STK10: variants seen among roughly 807,000 people sequenced by gnomAD.
The protein encoded by STK10 is serine/threonine-protein kinase 10.
A neutral mutation model predicts 113.8 loss-of-function variants in STK10; 78 were observed. The ratio of observed to expected loss-of-function variants is 0.69; its 90% confidence interval spans 0.57 to 0.83. The LOEUF is 0.83. Among genes scored for constraint, STK10 ranks in the 40% least tolerant of loss-of-function variants. The pLI is 0.00. For missense variants in STK10, 1,109 were observed against 1,280.1 expected (o/e 0.87, Z 2.04); for synonymous variants, 465 against 494.7 (o/e 0.94, Z 0.80).
At chr5:172,121,238 C>T (rs1311800096) in intron 3 of STK10, among the ~76,000 whole-genome samples, 1 of 151,812 alleles carries the variant, frequency 6.6e-6, no homozygotes, top group African/African-American at 2.4e-5. Flanking sequence ...ACCATGTTGG[C>T]CAAGCTGATC....
intron 2 of STK10, among the ~76,000 whole-genome samples, chr5:172,150,409 A>T (rs1375247873): frequency 6.6e-6 from 1 of 150,998 alleles, no homozygotes; most frequent in Non-Finnish European, 1.5e-5. Flanking sequence ...TGAACCTGGG[A>T]GGCAGAGGTT....
chr5:172,170,510 A>C (rs1770649242), intron 1 of STK10, among the ~76,000 whole-genome samples: 1 of 152,212 alleles, frequency 6.6e-6, no homozygotes, highest in Non-Finnish European at 1.5e-5. Context: ...GAAGCCCAAA[A>C]GCAGAATGAC....
chr5:172,089,019 T>G (rs1768630234), intron 10 of STK10, among the ~76,000 whole-genome samples: 1 of 152,132 alleles, frequency 6.6e-6, no homozygotes, highest in Non-Finnish European at 1.5e-5. Context: ...TGTTTTTCCC[T>G]CTTCCCGGCC....
intron 1 of STK10, among the ~76,000 whole-genome samples, chr5:172,173,537 C>T (rs961087530): frequency 6.6e-6 from 1 of 152,180 alleles, no homozygotes; most frequent in African/African-American, 2.4e-5. Flanking sequence ...TACAACTCAC[C>T]CTGGGGCAGG....
chr5:172,090,279 C>T lies in STK10; in HGVS notation c.1638G>A (p.Lys546=). The change falls in exon 10 of 19, where the codon AAG becomes AAA. Residue 546 remains lysine (K), a synonymous_variant. Transcript: ENST00000176763. ...DGVEVSITTS[K]IISEDEKKDE... ...CCTTCTTCTCATCTTCGCTGATGATCTTGGAGGTGGTGATGCTCACCTCCA... is the reference window on the plus strand; with the variant it reads ...CCTTCTTCTCATCTTCGCTGATGATTTTGGAGGTGGTGATGCTCACCTCCA... 1 of 1,614,140 alleles carries T rather than the reference C, an allele frequency of 6.2e-7. No individual in the cohort carries two copies. Among genetic ancestry groups the T allele is most frequent in the East Asian group, 2.2e-5 (1 of 44,880 alleles).
intron 1 of STK10, among the ~76,000 whole-genome samples, chr5:172,167,943 G>C (rs1770600421): frequency 6.6e-6 from 1 of 152,206 alleles, no homozygotes; most frequent in Non-Finnish European, 1.5e-5. Flanking sequence ...AAGCAAAAGG[G>C]GACATGTGCA....
chr5:172,060,101 C>T (rs1767901548), intron 14 of STK10, among the ~76,000 whole-genome samples: 2 of 152,158 alleles, frequency 1.3e-5, no homozygotes, highest in Admixed American at 1.3e-4. Context: ...GAATTAGTGC[C>T]TTTTTATTAA....
At chr5:172,143,902 A>G (rs1770028541) in intron 2 of STK10, among the ~76,000 whole-genome samples, 1 of 152,220 alleles carries the variant, frequency 6.6e-6, no homozygotes. Context: ...ATGCCCAGAA[A>G]TCAGGGGCAG....
At chr5:172,162,359 T>A (rs552142528) in intron 1 of STK10, among the ~76,000 whole-genome samples, 4 of 151,778 alleles carry the variant, frequency 2.6e-5, no homozygotes, top group African/African-American at 9.7e-5. Context: ...AAATAAAAAT[T>A]AAAATTAAAA....
At chr5:172,156,489 A>C (rs1172056731) in intron 2 of STK10, 135 bp downstream of exon 2, 2 of 1,170,296 alleles carry the variant, frequency 1.7e-6, no homozygotes, top group Admixed American at 2.8e-5. Flanking sequence ...GGAGCTCCCT[A>C]CTTCACCATC....
chr5:172,151,318 C>A (rs13355376), intron 2 of STK10, among the ~76,000 whole-genome samples: 4,067 of 151,936 alleles, frequency 0.027, 185 homozygotes, highest in African/African-American at 0.093. Context: ...CAGAGGCCGA[C>A]CTTTGCGTTT....
chr5:172,118,878 CAA>C (rs3028101), intron 3 of STK10, among the ~76,000 whole-genome samples: 32 of 71,294 alleles, frequency 4.5e-4, no homozygotes, highest in Non-Finnish European at 6.2e-4. Context: ...GACTCAGTCT[CAA>C]AAAAAAAAAA....
At chr5:172,047,740 C>A (rs1174852805) in intron 18 of STK10, among the ~76,000 whole-genome samples, 4 of 152,102 alleles carry the variant, frequency 2.6e-5, no homozygotes, top group Non-Finnish European at 5.9e-5. Context: ...GACCCGTGGG[C>A]ATGAGATTAA....
At chr5:172,160,412 T>C (rs1308571977) in intron 1 of STK10, among the ~76,000 whole-genome samples, 4 of 151,088 alleles carry the variant, frequency 2.6e-5, no homozygotes, top group East Asian at 3.9e-4. Flanking sequence ...GAGGTGGAGG[T>C]TGCAGTGAGC....
chr5:172,051,702 C>T (rs891238484), intron 18 of STK10, among the ~76,000 whole-genome samples: 1 of 152,032 alleles, frequency 6.6e-6, no homozygotes, highest in African/African-American at 2.4e-5. Flanking sequence ...AGAGAAGAAA[C>T]CCAGCAGAAG....
chr5:172,056,830 C>A (rs1554115507), intron 15 of STK10, among the ~76,000 whole-genome samples: 1 of 149,168 alleles, frequency 6.7e-6, no homozygotes, highest in Non-Finnish European at 1.5e-5. Flanking sequence ...GCCTAGATGG[C>A]GCCACTGCAC....
At chr5:172,100,175 T>C (rs1452800957) in intron 7 of STK10, among the ~76,000 whole-genome samples, 2 of 152,170 alleles carry the variant, frequency 1.3e-5, no homozygotes, top group African/African-American at 4.8e-5. Flanking sequence ...TAGAGGCCCA[T>C]TAGAGAGATA....
At chr5:172,184,019 C>G (rs1258686157) in intron 1 of STK10, among the ~76,000 whole-genome samples, 1 of 152,180 alleles carries the variant, frequency 6.6e-6, no homozygotes, top group African/African-American at 2.4e-5. Flanking sequence ...CTGTGACAAA[C>G]TCAGACTTCC....
chr5:172,113,551 G>A (rs779543864), intron 4 of STK10, among the ~76,000 whole-genome samples: 1 of 152,122 alleles, frequency 6.6e-6, no homozygotes, highest in Non-Finnish European at 1.5e-5. Flanking sequence ...GGAGGAATAC[G>A]CTGATATTCA....
Sources: gnomAD v4.1 joint callset for allele counts (sites outside exome capture counted in the v4.1 genomes callset) on GRCh38, gnomAD v4.1.1 for gene constraint, MANE v1.5 for transcripts, NCBI Gene and HGNC (gene_info 2026-07-23, HGNC 2026-07-21) for gene names.